The following RARB variants were observed in gnomAD, a reference collection of about 807,000 sequenced individuals.
RARB encodes retinoic acid receptor beta.
RARB carries 17 observed loss-of-function variants against 51.9 expected under a neutral mutation model. The ratio of observed to expected loss-of-function variants is 0.33; its 90% confidence interval spans 0.22 to 0.49. The LOEUF (loss-of-function observed/expected upper bound fraction) is 0.49, where lower values mean the gene tolerates loss of function less well. Among genes scored for constraint, RARB ranks in the 20% least tolerant of loss-of-function variants. The pLI is 0.99. For synonymous variants in RARB, 215 were observed against 195.4 expected, an observed-to-expected ratio of 1.10 and a Z score of -0.84; for missense variants, 369 against 550.8, an observed-to-expected ratio of 0.67 and a Z score of 3.30.
At chr3:24,947,194 T>C (rs1348236582) in intron 2 of RARB, among the ~76,000 whole-genome samples, 1 of 152,174 alleles carries the variant, frequency 6.6e-6, no homozygotes, top group Non-Finnish European at 1.5e-5. Flanking sequence ...CCCACAGCTT[T>C]CTGTACTAGA....
At chr3:24,971,225 A>G (rs1462047596) in intron 2 of RARB, among the ~76,000 whole-genome samples, 4 of 152,004 alleles carry the variant, frequency 2.6e-5, no homozygotes, top group Non-Finnish European at 5.9e-5. Flanking sequence ...AAACAAATCT[A>G]TGAAATGGTT....
chr3:24,892,911 A>T (rs1228803369), intron 2 of RARB, among the ~76,000 whole-genome samples: 1 of 152,202 alleles, frequency 6.6e-6, no homozygotes, highest in Non-Finnish European at 1.5e-5. Flanking sequence ...CTGTGCTATG[A>T]TGTTGTAAGT....
intron 2 of RARB, among the ~76,000 whole-genome samples, chr3:24,868,146 T>C (rs886927624): frequency 2.6e-5 from 4 of 152,186 alleles, no homozygotes; most frequent in Admixed American, 6.5e-5. Flanking sequence ...ATCTTTTTAA[T>C]GTAGCTTCAA....
intron 3 of RARB, among the ~76,000 whole-genome samples, chr3:25,109,472 CA>C (rs1699563555): frequency 6.6e-6 from 1 of 152,006 alleles, no homozygotes; most frequent in South Asian, 2.1e-4. Context: ...TGTACAAGTA[CA>C]AAAACACTGA....
At chr3:25,361,143 A>G (rs1283167128) in intron 5 of RARB, among the ~76,000 whole-genome samples, 1 of 152,200 alleles carries the variant, frequency 6.6e-6, no homozygotes, top group Non-Finnish European at 1.5e-5. Context: ...GTCTTTTCAC[A>G]TAGTCCCATA....
intron 1 of RARB, among the ~76,000 whole-genome samples, chr3:24,837,914 C>T (rs948216863): frequency 2.0e-5 from 3 of 152,194 alleles, no homozygotes; most frequent in African/African-American, 7.2e-5. Flanking sequence ...CTGAAAACAT[C>T]ACACATTCAC....
chr3:24,981,455 T>G (rs529130870), intron 2 of RARB, among the ~76,000 whole-genome samples: 1 of 152,258 alleles, frequency 6.6e-6, no homozygotes, highest in African/African-American at 2.4e-5. Flanking sequence ...CCTCTTTGTT[T>G]ACACTGTGAG....
chr3:25,317,085 G>GTAAGTATTATAAGTATTATAAGTATTA (rs1177766628), intron 5 of RARB, among the ~76,000 whole-genome samples: 49 of 151,332 alleles, frequency 3.2e-4, no homozygotes, highest in Non-Finnish European at 1.5e-5. Flanking sequence ...TATAAGTCGT[G>GTAAGTATTATAAGTATTATAAGTATTA]TAAAAGAATA....
At chr3:25,507,787 C>T (rs1031579558) in intron 3 of RARB, among the ~76,000 whole-genome samples, 5 of 152,104 alleles carry the variant, frequency 3.3e-5, no homozygotes, top group African/African-American at 4.8e-5. Flanking sequence ...AGAAGTAGGC[C>T]AGAATTATGA....
chr3:25,326,780 G>T (rs1383055473), intron 5 of RARB, among the ~76,000 whole-genome samples: 1 of 151,758 alleles, frequency 6.6e-6, no homozygotes, highest in East Asian at 1.9e-4. Flanking sequence ...TAGGCTGGAT[G>T]ACAATATCAA....
intron 3 of RARB, among the ~76,000 whole-genome samples, chr3:25,104,059 C>A (rs1410486611): frequency 1.3e-5 from 2 of 152,166 alleles, no homozygotes; most frequent in African/African-American, 4.8e-5. Context: ...TCTTTGAAAT[C>A]CTTTACTGTC....
At chr3:25,161,006 T>TTTGTTG (rs879753755) in intron 4 of RARB, among the ~76,000 whole-genome samples, 289 of 151,652 alleles carry the variant, frequency 1.9e-3, no homozygotes, top group African/African-American at 5.7e-3. Context: ...TCATCTCCTT[T>TTTGTTG]TTGTTGTTGT....
chr3:25,053,880 G>T (rs1698387007), intron 2 of RARB, among the ~76,000 whole-genome samples: 1 of 152,132 alleles, frequency 6.6e-6, no homozygotes, highest in African/African-American at 2.4e-5. Context: ...TCCATTAACT[G>T]CCCTGCCTGT....
chr3:25,254,334 T>C (rs1196861461), intron 5 of RARB, among the ~76,000 whole-genome samples: 1 of 152,196 alleles, frequency 6.6e-6, no homozygotes, highest in Non-Finnish European at 1.5e-5. Context: ...CTTCTCTACA[T>C]AGGTAGCTTT....
At chr3:25,115,547 T>C (rs561709920) in intron 3 of RARB, among the ~76,000 whole-genome samples, 2 of 152,184 alleles carry the variant, frequency 1.3e-5, no homozygotes, top group African/African-American at 4.8e-5. Flanking sequence ...CTTTCCTTCT[T>C]TGCTTCTTTT....
intron 1 of RARB, among the ~76,000 whole-genome samples, chr3:24,830,104 G>A (rs576377798): frequency 1.3e-5 from 2 of 152,298 alleles, no homozygotes; most frequent in East Asian, 3.9e-4. Flanking sequence ...GCCAGGGACC[G>A]AGCCCTGGAG....
chr3:25,056,823 A>G (rs966829698), intron 2 of RARB, among the ~76,000 whole-genome samples: 1 of 152,148 alleles, frequency 6.6e-6, no homozygotes, highest in Non-Finnish European at 1.5e-5. Context: ...AAGACAAACT[A>G]TCTTGATACA....
At chr3:24,945,384 C>T (rs1695751784) in intron 2 of RARB, among the ~76,000 whole-genome samples, 1 of 152,188 alleles carries the variant, frequency 6.6e-6, no homozygotes, top group Non-Finnish European at 1.5e-5. Context: ...GTCAGGATAA[C>T]AGCAGTGTGT....
intron 5 of RARB, among the ~76,000 whole-genome samples, chr3:25,240,660 C>A (rs1473318900): frequency 6.6e-6 from 1 of 152,170 alleles, no homozygotes; most frequent in Admixed American, 6.5e-5. Context: ...TGGAGACATT[C>A]TTACATCCCT....
Sources: gnomAD v4.1 joint callset for allele counts (sites outside exome capture counted in the v4.1 genomes callset) on GRCh38, gnomAD v4.1.1 for gene constraint, MANE v1.5 for transcripts, NCBI Gene and HGNC (gene_info 2026-07-23, HGNC 2026-07-21) for gene names.